The following GRID2IP variants were observed in gnomAD, a reference collection of about 807,000 sequenced individuals.
GRID2IP encodes Grid2 interacting protein.
A neutral mutation model predicts 114.3 loss-of-function variants in GRID2IP; 78 were observed. The observed-to-expected ratio is 0.68, with a 90% CI of 0.57 to 0.82. The LOEUF is 0.82. Ranked by LOEUF, GRID2IP falls within the 40% of genes least tolerant of loss-of-function variation. GRID2IP has a pLI of 0.00. For missense variants in GRID2IP, 1,727 were observed against 1,678.5 expected (o/e 1.03, Z -0.51); for synonymous variants, 809 against 724.0 (o/e 1.12, Z -1.89).
chr7:6,508,733 G>T lies in GRID2IP; in HGVS notation c.2127+225C>A, dbSNP rs1329958432. ...CCTGAGCTAAGGAATGGGCTAACCT[G>T]CGACAGGGAATATGGGCTAGCCTCA... On this transcript the variant is annotated intron_variant, in intron 12 of 21. Transcript: ENST00000457091. The surrounding 1 kb of genome is among the most constrained non-coding windows in gnomAD (Gnocchi z 5.6). 6.6e-6 allele frequency among the ~76,000 whole-genome samples: 1 copy of T among 152,170 alleles called. No homozygotes were observed. The highest frequency in any genetic ancestry group is 1.5e-5 in the Non-Finnish European group (1 of 68,010).
chr7:6,511,179 G>T (rs1341076466), intron 8 of GRID2IP, 140 bp from the exon 9 acceptor site: 50 of 1,165,974 alleles, frequency 4.3e-5, no homozygotes, highest in Non-Finnish European at 5.2e-5. Flanking sequence ...CTTGCCTCCA[G>T]AACAGCTCTT....
At chr7:6,529,989 C>A (rs372206638) in intron 2 of GRID2IP, among the ~76,000 whole-genome samples, 8 of 143,028 alleles carry the variant, frequency 5.6e-5, no homozygotes, top group Admixed American at 3.6e-4. Flanking sequence ...GACAAAGTCT[C>A]GCTCTGTCAC....
At chr7:6,513,347 C>G (rs1231571900) in intron 8 of GRID2IP, among the ~76,000 whole-genome samples, 2 of 151,020 alleles carry the variant, frequency 1.3e-5, no homozygotes, top group African/African-American at 4.9e-5. Flanking sequence ...CCTAAGTAGC[C>G]GGGACTACAG....
In GRID2IP at chr7:6,534,938, T is replaced by G. The variant is rs1779698933; in HGVS notation, c.584+4780A>C. On this transcript the variant is annotated intron_variant, in intron 2 of 21. Transcript: ENST00000457091. This position sits in a 1 kb window ranked among gnomAD's most constrained non-coding sequence, Gnocchi z 4.5. ...TTCACTCCTGTTGCCCAGGCTGGAG[T>G]GCAATGGCACGATCTCGGCTCACTG... Among the ~76,000 whole-genome samples the G allele has an allele frequency of 6.6e-6, 1 of 152,188 alleles. No homozygotes were observed. The highest frequency in any genetic ancestry group is 6.5e-5 in the Admixed American group (1 of 15,276).
intron 7 of GRID2IP, among the ~76,000 whole-genome samples, chr7:6,518,738 C>CA (rs1685216841): frequency 6.6e-6 from 1 of 151,084 alleles, no homozygotes; most frequent in Admixed American, 6.6e-5. Flanking sequence ...CCATCTCAAA[C>CA]AAAAAATAAA....
chr7:6,522,805 A>ATTGTGTGTGTG (rs776645557), intron 4 of GRID2IP, among the ~76,000 whole-genome samples: 1 of 57,044 alleles, frequency 1.8e-5, no homozygotes, highest in Non-Finnish European at 4.6e-5. Flanking sequence ...TGCCTGGCTA[A>ATTGTGTGTGTG]TATGTGTGTG....
rs76328546 is a variant in GRID2IP at position 6,497,777 on chromosome 7, C to G, written c.3633G>C (p.Trp1211Cys). ...AGAGGACGCGGTGTGGCCACTGTCA[C>G]CAGGCCAGGGGTGAAACCATCCCGG... Reference protein sequence around the residue: ...RSSGMVSPLAW With the variant: ...RSSGMVSPLAC The change falls in exon 22 of 22, where the codon TGG becomes TGC. Residue 1211 changes from tryptophan to cysteine, a missense_variant. By Grantham distance (215) the Trp-to-Cys change is radical. Transcript: ENST00000457091. 1.9e-6 allele frequency: 3 copies of G among 1,549,466 alleles called. No individual in the cohort carries two copies. In the South Asian group the frequency reaches 3.6e-5, roughly 18 times the overall value.
rs1293841459 is a variant in GRID2IP, at chr7:6,497,391, C to T, written c.*383G>A. 1.4e-4 allele frequency: 24 copies of T among 169,738 alleles called. No individual in the cohort carries two copies. The highest frequency in any genetic ancestry group is 2.5e-5 in the Non-Finnish European group (2 of 79,752). 10.5% of individuals were successfully genotyped at this position (169,738 alleles called of 1,614,324 possible). A position where few individuals can be genotyped will look rare whatever the true frequency, so the allele number is the denominator to read the frequency against. The stretch of plus-strand genomic sequence containing the variant: ...TCGTGCTCAAGGGTGTCGGCCCCCT[C>T]ACAGGGACCCACTAGGAGCAGGATC... On this transcript the variant is annotated 3_prime_UTR_variant, in exon 22 of 22. Transcript: ENST00000457091.
rs1583358248 is a variant in GRID2IP at position 6,551,203 on chromosome 7, A to G, written c.234T>C (p.Ser78=). 1 of 1,466,672 alleles carries G rather than the reference A, an allele frequency of 6.8e-7. No homozygotes were observed. Among genetic ancestry groups the G allele is most frequent in the Non-Finnish European group, 8.9e-7 (1 of 1,117,530 alleles). The allele number at this position is 1,466,672 out of a possible 1,614,324, so 90.9% of individuals were successfully genotyped here. ...CGTCGGGAGCCGGGAGCACGCCCAG[A>G]CTGGGCGGCACACGTGGGCAGCGCC... is the stretch of plus-strand genomic sequence containing the variant. The part of the protein sequence containing the change: ...LARRCPRVPP[S]LGVLPAPDGG... Residue 78 remains serine (S), a synonymous_variant, in exon 1 of 22, where the codon AGT becomes AGC. Transcript: ENST00000457091.
rs183343885 is a variant in GRID2IP at position 6,536,661 on chromosome 7, G to A, written c.584+3057C>T. ...CAGCTGGGCCGCCTGCGCCCCGCTGGCCCATCCCTGGTGGGGAGGGGCGGG... is the reference window on the plus strand; with the variant it reads ...CAGCTGGGCCGCCTGCGCCCCGCTGACCCATCCCTGGTGGGGAGGGGCGGG... On this transcript the variant is annotated intron_variant, in intron 2 of 21. Transcript: ENST00000457091. The surrounding 1 kb of genome is among the most constrained non-coding windows in gnomAD (Gnocchi z 5.3). Among the ~76,000 whole-genome samples, 404 of 152,182 alleles carry A rather than the reference G, an allele frequency of 2.7e-3. 2 individuals are homozygous for A. The highest frequency in any genetic ancestry group is 9.3e-3 in the African/African-American group (387 of 41,548).
At chr7:6,518,418 A>G (rs1286701863) in intron 7 of GRID2IP, among the ~76,000 whole-genome samples, 3 of 152,120 alleles carry the variant, frequency 2.0e-5, no homozygotes, top group Non-Finnish European at 4.4e-5. Context: ...TAAAAATAAC[A>G]GGATGTCACT....
intron 7 of GRID2IP, among the ~76,000 whole-genome samples, chr7:6,517,736 C>T (rs1157973310): frequency 6.6e-6 from 1 of 151,602 alleles, no homozygotes; most frequent in Non-Finnish European, 1.5e-5. Context: ...AACCCCATCT[C>T]TACTAAAAGT....
chr7:6,548,930 G>A (rs1015744201), intron 1 of GRID2IP, among the ~76,000 whole-genome samples: 3 of 151,946 alleles, frequency 2.0e-5, no homozygotes, highest in East Asian at 1.9e-4. Flanking sequence ...ACAGGGGTCC[G>A]ATAGCCAGGC....
chr7:6,548,910 C>A (rs960917056), intron 1 of GRID2IP, among the ~76,000 whole-genome samples: 1 of 151,816 alleles, frequency 6.6e-6, no homozygotes, highest in Admixed American at 6.6e-5. Context: ...AGTTTCCAGG[C>A]TTCATGTCCA....
In GRID2IP at chr7:6,516,865, C is replaced by T. The variant is rs886549678; in HGVS notation, c.1269-2336G>A. Among the ~76,000 whole-genome samples the T allele has an allele frequency of 1.3e-5, 2 of 152,126 alleles. No homozygotes were observed. Among genetic ancestry groups the T allele is most frequent in the Non-Finnish European group, 2.9e-5 (2 of 68,016 alleles). On this transcript the variant is annotated intron_variant, in intron 7 of 21. Transcript: ENST00000457091. This position sits in a 1 kb window ranked among gnomAD's most constrained non-coding sequence, Gnocchi z 4.3. Reference sequence around the variant, plus strand: ...AAATAGGGAAGGGCCCCCTGTCTGGCGGACACGTGACTCACATGACCTTAC... The same window carrying T: ...AAATAGGGAAGGGCCCCCTGTCTGGTGGACACGTGACTCACATGACCTTAC...
chr7:6,523,270 G>T lies in GRID2IP; in HGVS notation c.920-1313C>A, dbSNP rs1394028571. On this transcript the variant is annotated intron_variant, in intron 4 of 21. Transcript: ENST00000457091. This position sits in a 1 kb window ranked among gnomAD's most constrained non-coding sequence, Gnocchi z 4.5. Reference sequence around the variant, plus strand: ...CAATTAGGGAAGACTTCCCGGGAGAGGCGAGATGGGGGAAGTCCTTTCCCT... The same window carrying T: ...CAATTAGGGAAGACTTCCCGGGAGATGCGAGATGGGGGAAGTCCTTTCCCT... Among the ~76,000 whole-genome samples the T allele has an allele frequency of 6.6e-6, 1 of 152,198 alleles. No homozygotes were observed. The highest frequency in any genetic ancestry group is 1.5e-5 in the Non-Finnish European group (1 of 68,036).
At chr7:6,539,929 A>G (rs1369114213) in intron 1 of GRID2IP, 57 bp from the exon 2 acceptor site, 1 of 1,465,880 alleles carries the variant, frequency 6.8e-7, no homozygotes, top group Non-Finnish European at 9.2e-7. Flanking sequence ...ACCCTGGAGA[A>G]CTGCTCTCCT....
At chr7:6,538,565 TCAAAA>T (rs1383586263) in intron 2 of GRID2IP, among the ~76,000 whole-genome samples, 1 of 139,908 alleles carries the variant, frequency 7.1e-6, no homozygotes, top group South Asian at 2.3e-4. Context: ...AGACCCTGTC[TCAAAA>T]CAAAACAAAA....
In GRID2IP at chr7:6,508,466, A is replaced by T; in HGVS notation, c.2128-65T>A. 6.5e-7 allele frequency: 1 copy of T among 1,545,764 alleles called. No individual in the cohort carries two copies. The highest frequency in any genetic ancestry group is 8.7e-7 in the Non-Finnish European group (1 of 1,145,076). ...GCCCAGAGAGACTAGAGCAGGTGCAAAGTGAAGGATCATGGGATAGCCTGG... is the reference window on the plus strand; with the variant it reads ...GCCCAGAGAGACTAGAGCAGGTGCATAGTGAAGGATCATGGGATAGCCTGG... On this transcript the variant is annotated intron_variant, in intron 12 of 21. Transcript: ENST00000457091. This position sits in a 1 kb window ranked among gnomAD's most constrained non-coding sequence, Gnocchi z 5.6.
Sources: gnomAD v4.1 joint callset for allele counts (sites outside exome capture counted in the v4.1 genomes callset) on GRCh38, gnomAD v4.1.1 for gene constraint, Gnocchi (gnomAD v3.1) non-coding constraint, MANE v1.5 for transcripts, NCBI Gene and HGNC (gene_info 2026-07-23, HGNC 2026-07-21) for gene names.